The following SGCZ variants were observed in gnomAD, a reference collection of about 807,000 sequenced individuals.
The protein encoded by SGCZ is sarcoglycan zeta.
In SGCZ, 40 loss-of-function variants were observed where a neutral mutation model predicts 41.3. That is an observed-to-expected ratio of 0.97 (90% CI 0.75 to 1.26). SGCZ has a LOEUF of 1.26. SGCZ is among the 50% of genes most tolerant of loss of function. SGCZ has a pLI of 0.00. For missense variants in SGCZ, 552 were observed against 369.8 expected (o/e 1.49, Z -4.04); for synonymous variants, 206 against 137.5 (o/e 1.50, Z -3.49).
chr8:14,313,885 A>G (rs1000235268), intron 3 of SGCZ, among the ~76,000 whole-genome samples: 11 of 151,094 alleles, frequency 7.3e-5, no homozygotes, highest in Non-Finnish European at 1.5e-5. Flanking sequence ...GGGGAAAGAC[A>G]AAAGTATAGG....
chr8:14,551,661 G>T (rs1286766736), intron 2 of SGCZ, among the ~76,000 whole-genome samples: 1 of 61,656 alleles, frequency 1.6e-5, no homozygotes, highest in African/African-American at 6.5e-5. Context: ...ATATATGAAA[G>T]TATGTATGTA....
chr8:14,863,443 G>C (rs954973862), intron 1 of SGCZ, among the ~76,000 whole-genome samples: 1 of 151,978 alleles, frequency 6.6e-6, no homozygotes, highest in South Asian at 2.1e-4. Flanking sequence ...TCCCACCTCA[G>C]CCTCCCAAGC....
chr8:14,502,148 A>G (rs751291840), intron 2 of SGCZ, among the ~76,000 whole-genome samples: 2 of 152,138 alleles, frequency 1.3e-5, no homozygotes, highest in Non-Finnish European at 2.9e-5. Context: ...CTAGTAAGTC[A>G]TTAAGAATTA....
intron 1 of SGCZ, among the ~76,000 whole-genome samples, chr8:15,022,517 T>C (rs1803292608): frequency 6.6e-6 from 1 of 152,056 alleles, no homozygotes; most frequent in Non-Finnish European, 1.5e-5. Context: ...CTAATTTTTG[T>C]ATTTTTAGCA....
intron 1 of SGCZ, among the ~76,000 whole-genome samples, chr8:15,040,025 G>C (rs1370033761): frequency 6.6e-6 from 1 of 152,130 alleles, no homozygotes; most frequent in Non-Finnish European, 1.5e-5. Context: ...GCAAGTGATT[G>C]ACTATTTTGA....
chr8:14,101,831 A>G (rs959150913), intron 7 of SGCZ, among the ~76,000 whole-genome samples: 1 of 151,390 alleles, frequency 6.6e-6, no homozygotes, highest in Non-Finnish European at 1.5e-5. Flanking sequence ...ATATGGTTCC[A>G]GGGGAAGCAT....
chr8:14,095,067 C>T (rs1801801140), intron 7 of SGCZ, among the ~76,000 whole-genome samples: 1 of 152,058 alleles, frequency 6.6e-6, no homozygotes. Flanking sequence ...TTCTCTCATT[C>T]TGCAGGTTGC....
At chr8:14,709,345 A>C (rs1809440471) in intron 1 of SGCZ, among the ~76,000 whole-genome samples, 1 of 152,182 alleles carries the variant, frequency 6.6e-6, no homozygotes, top group African/African-American at 2.4e-5. Context: ...GCCCCACCTC[A>C]TTACTTCAGC....
At chr8:15,229,449 G>A in intron 1 of SGCZ, among the ~76,000 whole-genome samples, 1 of 152,124 alleles carries the variant, frequency 6.6e-6, no homozygotes, top group Admixed American at 6.5e-5. Context: ...AAGGTAAAGG[G>A]GAACTAATTT....
chr8:14,277,717 C>T (rs1390445097), intron 3 of SGCZ, among the ~76,000 whole-genome samples: 1 of 152,090 alleles, frequency 6.6e-6, no homozygotes, highest in Non-Finnish European at 1.5e-5. Flanking sequence ...ATAGAAGCTG[C>T]CTAACTTCCT....
intron 1 of SGCZ, among the ~76,000 whole-genome samples, chr8:14,771,798 T>C (rs1800248931): frequency 6.6e-6 from 1 of 152,136 alleles, no homozygotes; most frequent in African/African-American, 2.4e-5. Flanking sequence ...AAAGATACAT[T>C]AATGATAAAT....
At chr8:14,172,763 T>C (rs1426078238) in intron 4 of SGCZ, among the ~76,000 whole-genome samples, 3 of 151,886 alleles carry the variant, frequency 2.0e-5, no homozygotes, top group Admixed American at 1.3e-4. Flanking sequence ...TTTCAGGAAA[T>C]TGATATGGAC....
intron 1 of SGCZ, among the ~76,000 whole-genome samples, chr8:15,138,094 A>T (rs111345027): frequency 0.011 from 1,684 of 152,304 alleles, 29 homozygotes; most frequent in African/African-American, 0.039. Context: ...GCTGTGAGAC[A>T]CGGAATCAAA....
At chr8:15,033,749 T>C (rs921880904) in intron 1 of SGCZ, among the ~76,000 whole-genome samples, 2 of 152,228 alleles carry the variant, frequency 1.3e-5, no homozygotes, top group South Asian at 2.1e-4. Flanking sequence ...GGACAGCCCC[T>C]GTGGACCCAG....
In SGCZ at chr8:15,125,250, A is replaced by G. The variant is rs543604131; in HGVS notation, c.39+112335T>C. Among the ~76,000 whole-genome samples, 3 of 152,298 alleles carry G rather than the reference A, an allele frequency of 2.0e-5. No homozygotes were observed. The South Asian group carries it at 6.2e-4, about 32-fold the overall frequency. On this transcript the variant is annotated intron_variant, in intron 1 of 7. Coordinates refer to ENST00000382080, the MANE Select transcript of SGCZ (RefSeq NM_139167.4). ...CAAGGAAAAACTCAAAATAATTGCT[A>G]TATTTTTTGTTACAAGATTCTCAAA... is the stretch of plus-strand genomic sequence containing the variant.
intron 1 of SGCZ, among the ~76,000 whole-genome samples, chr8:15,210,793 C>T (rs1357618735): frequency 3.3e-5 from 5 of 152,116 alleles, no homozygotes; most frequent in Non-Finnish European, 5.9e-5. Flanking sequence ...ACTTAAGCCA[C>T]CTACTCTCTG....
At chr8:14,451,091 T>C (rs528243079) in intron 2 of SGCZ, among the ~76,000 whole-genome samples, 3 of 152,254 alleles carry the variant, frequency 2.0e-5, no homozygotes, top group Admixed American at 6.5e-5. Flanking sequence ...ATTTCATAGT[T>C]AGGAAATTAT....
At chr8:15,001,728 C>CAAAAAA in intron 1 of SGCZ, among the ~76,000 whole-genome samples, 1 of 81,042 alleles carries the variant, frequency 1.2e-5, no homozygotes, top group Admixed American at 1.3e-4. Flanking sequence ...GACTCCGTCT[C>CAAAAAA]AAAAAAAAAA....
chr8:14,601,481 A>G (rs996246543), intron 1 of SGCZ, among the ~76,000 whole-genome samples: 8 of 152,212 alleles, frequency 5.3e-5, no homozygotes, highest in Admixed American at 6.5e-5. Context: ...GAAAATAAAT[A>G]TTCAAAAGAA....
Sources: allele counts gnomAD v4.1 joint callset (sites outside exome capture counted in the v4.1 genomes callset), GRCh38; gene constraint gnomAD v4.1.1; transcripts MANE v1.5; gene names NCBI Gene and HGNC (gene_info 2026-07-23, HGNC 2026-07-21).